CLPB: variants seen among roughly 807,000 people sequenced by gnomAD.
The protein encoded by CLPB is ClpB family mitochondrial disaggregase.
In CLPB, 40 loss-of-function variants were observed where a neutral mutation model predicts 78.4. The observed-to-expected ratio is 0.51, with a 90% confidence interval of 0.40 to 0.66. CLPB has a LOEUF of 0.66. Among genes scored for constraint, CLPB ranks in the 30% least tolerant of loss-of-function variants. The pLI is 0.00. For synonymous variants in CLPB, 333 were observed against 348.0 expected, an observed-to-expected ratio of 0.96 and a Z score of 0.48; for missense variants, 780 against 886.9, an observed-to-expected ratio of 0.88 and a Z score of 1.53.
intron 1 of CLPB, among the ~76,000 whole-genome samples, chr11:72,430,928 C>CCT (rs991583308): frequency 6.6e-6 from 1 of 152,074 alleles, no homozygotes; most frequent in African/African-American, 2.4e-5. Flanking sequence ...CATGACAGCT[C>CCT]CTCTCTCTCT....
At chr11:72,359,080 G>A (rs1371713031) in intron 4 of CLPB, 72 bp from the exon 5 acceptor site, 9 of 1,606,202 alleles carry the variant, frequency 5.6e-6, no homozygotes, top group Non-Finnish European at 6.8e-6. Flanking sequence ...CTGTTTTCTA[G>A]TGGCATTTTA....
intron 3 of CLPB, among the ~76,000 whole-genome samples, chr11:72,383,428 G>C (rs1031314174): frequency 1.3e-4 from 19 of 151,920 alleles, no homozygotes; most frequent in South Asian, 6.2e-4. Context: ...CTACTCGGAA[G>C]GCTGAGGCAG....
At chr11:72,295,771 G>A in intron 11 of CLPB, 123 bp from the exon 12 acceptor site, 2 of 903,942 alleles carry the variant, frequency 2.2e-6, no homozygotes, top group Non-Finnish European at 3.4e-6. Flanking sequence ...TCCAGCCCCA[G>A]CAGCCAGCTG....
chr11:72,305,320 A>G (rs1190053322), intron 9 of CLPB, among the ~76,000 whole-genome samples: 1 of 152,242 alleles, frequency 6.6e-6, no homozygotes, highest in East Asian at 1.9e-4. Context: ...TTTAGCATCC[A>G]TGCTATCTTC....
chr11:72,432,290 C>G (rs1458726261), intron 1 of CLPB, among the ~76,000 whole-genome samples: 2 of 152,170 alleles, frequency 1.3e-5, no homozygotes, highest in Non-Finnish European at 2.9e-5. Context: ...CTGTGGTGGG[C>G]AAATGATGTC....
chr11:72,379,942 T>C (rs1854851747), intron 4 of CLPB, among the ~76,000 whole-genome samples: 1 of 152,128 alleles, frequency 6.6e-6, no homozygotes, highest in South Asian at 2.1e-4. Flanking sequence ...CCTTAATTAT[T>C]TTACTGAAAT....
At chr11:72,418,264 T>C (rs1190050952) in intron 2 of CLPB, among the ~76,000 whole-genome samples, 3 of 152,072 alleles carry the variant, frequency 2.0e-5, no homozygotes, top group Non-Finnish European at 4.4e-5. Context: ...CTTACTACGG[T>C]GAAGGCAGGA....
Position 72,303,635 on chromosome 11 carries a change from AT to A in CLPB, c.1123-1288del, listed in dbSNP as rs1949698394. On this transcript the variant is annotated intron_variant, in intron 9 of 15. Coordinates refer to ENST00000538039, the MANE Select transcript of CLPB (RefSeq NM_001258392.3). The stretch of plus-strand genomic sequence containing the variant: ...AGGTGGGACAGGGCTTAGAGAAGTT[AT>A]TAAGGCCACATGGGGGAAAGCACTG... 2.0e-5 allele frequency among the ~76,000 whole-genome samples: 3 copies of A among 152,206 alleles called. No homozygotes were observed. In the South Asian group the frequency reaches 6.2e-4, roughly 32 times the overall value.
Position 72,307,199 on chromosome 11 carries a change from CT to C in CLPB, c.1121del (p.Lys374ArgfsTer36), listed in dbSNP as rs1949761259. ...TAKYMHKDAK[K>X]GFIRLDMSEF... ...ATCAGACCTAGGTCCCAGTTCTTAC[CT>C]TTTTAGCATCTTTGTGCATATATTT... is the stretch of plus-strand genomic sequence containing the variant. On this transcript the variant is annotated frameshift_variant and splice_region_variant, in exon 9 of 16. Transcript: ENST00000538039. LOFTEE classifies it high-confidence loss of function. The C allele has an allele frequency of 3.7e-6, 6 of 1,613,968 alleles. No individual in the cohort carries two copies. The highest frequency in any genetic ancestry group is 2.2e-5 in the East Asian group (1 of 44,878).
At chr11:72,419,963 G>A (rs920126009) in intron 2 of CLPB, among the ~76,000 whole-genome samples, 1 of 152,174 alleles carries the variant, frequency 6.6e-6, no homozygotes, top group Non-Finnish European at 1.5e-5. Flanking sequence ...ATGAATAAAC[G>A]ATTGAACTAC....
At chr11:72,372,822 G>T in intron 4 of CLPB, 1 of 1,035,782 alleles carries the variant, frequency 9.7e-7, no homozygotes, top group Non-Finnish European at 1.5e-6. Flanking sequence ...CACAGTGGGT[G>T]CTGGGTAGTT....
At chr11:72,405,315 C>T (rs1855677904) in intron 2 of CLPB, among the ~76,000 whole-genome samples, 1 of 152,222 alleles carries the variant, frequency 6.6e-6, no homozygotes, top group Admixed American at 6.5e-5. Flanking sequence ...ACAGCCAACA[C>T]AAGACCTCGA....
intron 6 of CLPB, among the ~76,000 whole-genome samples, chr11:72,321,001 C>G (rs1345009542): frequency 6.6e-6 from 1 of 152,182 alleles, no homozygotes; most frequent in Admixed American, 6.5e-5. Context: ...GCGTGAGCCA[C>G]CGCTCCCGGC....
intron 5 of CLPB, among the ~76,000 whole-genome samples, chr11:72,355,788 C>T (rs1424332610): frequency 6.6e-6 from 1 of 152,194 alleles, no homozygotes; most frequent in Non-Finnish European, 1.5e-5. Context: ...TTTGGTCAGA[C>T]AGCAAGAGCA....
At chr11:72,369,575 C>T (rs1221483435) in intron 4 of CLPB, among the ~76,000 whole-genome samples, 1 of 152,204 alleles carries the variant, frequency 6.6e-6, no homozygotes, top group Non-Finnish European at 1.5e-5. Context: ...CGTCTCTACA[C>T]CTGCTTGCCT....
chr11:72,328,286 A>G (rs939092908), intron 6 of CLPB, among the ~76,000 whole-genome samples: 4 of 152,194 alleles, frequency 2.6e-5, no homozygotes, highest in African/African-American at 9.7e-5. Flanking sequence ...CCTCACCCAC[A>G]ACCACAAGGA....
At chr11:72,425,781 A>G (rs1180207165) in intron 2 of CLPB, among the ~76,000 whole-genome samples, 1 of 152,108 alleles carries the variant, frequency 6.6e-6, no homozygotes, top group Non-Finnish European at 1.5e-5. Flanking sequence ...GCTACCACAT[A>G]TGCTGCCCTT....
In CLPB at chr11:72,293,171, AG is replaced by A; in HGVS notation, c.*195del. On this transcript the variant is annotated 3_prime_UTR_variant, in exon 16 of 16. Coordinates refer to ENST00000538039, the MANE Select transcript of CLPB (RefSeq NM_001258392.3). ...TTAGCAGGTTATGGGCCCACAACAA[AG>A]GGGCCAGAGTAGGGCGAAATTCCTC... The A allele has an allele frequency of 4.8e-6, 3 of 627,994 alleles. No homozygotes were observed. Among genetic ancestry groups the A allele is most frequent in the Non-Finnish European group, 5.4e-6 (2 of 368,766 alleles). The allele number at this position is 627,994 out of a possible 1,614,324, so 38.9% of individuals were successfully genotyped here. A position where few individuals can be genotyped will look rare whatever the true frequency, so the allele number is the denominator to read the frequency against.
chr11:72,345,410 G>A (rs1950494530), intron 5 of CLPB, among the ~76,000 whole-genome samples: 1 of 152,168 alleles, frequency 6.6e-6, no homozygotes. Flanking sequence ...AAAGCAAACT[G>A]CAAAGCGACA....
Sources: gnomAD v4.1 joint callset for allele counts (sites outside exome capture counted in the v4.1 genomes callset) on GRCh38, gnomAD v4.1.1 for gene constraint, MANE v1.5 for transcripts, NCBI Gene and HGNC (gene_info 2026-07-23, HGNC 2026-07-21) for gene names.